AP3S1: variants seen among roughly 807,000 people sequenced by gnomAD.
AP3S1 encodes adaptor related protein complex 3 subunit sigma 1, also known as AP-3 complex subunit sigma-1.
In AP3S1, 12 loss-of-function variants were observed where a neutral mutation model predicts 21.3. That is an observed-to-expected ratio of 0.56 (90% CI 0.36 to 0.91). The LOEUF is 0.91. AP3S1 is among the 40% of genes least tolerant of loss of function. The probability of loss-of-function intolerance (pLI) is 0.01; values close to 1 mark genes in which losing one functional copy is unlikely to be tolerated. For synonymous variants in AP3S1, 48 were observed against 78.4 expected, an observed-to-expected ratio of 0.61 and a Z score of 2.05; for missense variants, 116 against 225.0, an observed-to-expected ratio of 0.52 and a Z score of 3.10.
At chr5:115,879,549 G>A (rs1398831015) in intron 3 of AP3S1, among the ~76,000 whole-genome samples, 1 of 152,072 alleles carries the variant, frequency 6.6e-6, no homozygotes, top group Non-Finnish European at 1.5e-5. Flanking sequence ...GGATGAAGCC[G>A]ACTTGATTGT....
chr5:115,885,326 G>A (rs556527541), intron 3 of AP3S1, among the ~76,000 whole-genome samples: 3 of 152,244 alleles, frequency 2.0e-5, no homozygotes, highest in East Asian at 1.9e-4. Context: ...GGCTCAGTCC[G>A]AGTCCAAAAG....
At chr5:115,866,819 C>G (rs1270584657) in intron 2 of AP3S1, 58 bp downstream of exon 2, 2 of 1,148,506 alleles carry the variant, frequency 1.7e-6, no homozygotes, top group Non-Finnish European at 2.4e-6. Context: ...AAAATATATA[C>G]TGTTTAATCA....
At chr5:115,911,437 A>G (rs997915382) in intron 5 of AP3S1, among the ~76,000 whole-genome samples, 11 of 152,076 alleles carry the variant, frequency 7.2e-5, no homozygotes, top group African/African-American at 2.6e-4. Context: ...ATACTTTTCT[A>G]TAGTCAGTTC....
At chr5:115,855,139 C>T (rs902560563) in intron 1 of AP3S1, among the ~76,000 whole-genome samples, 3 of 152,008 alleles carry the variant, frequency 2.0e-5, no homozygotes, top group East Asian at 1.9e-4. Flanking sequence ...TGGGTTCAAG[C>T]GATTCTCCTG....
intron 3 of AP3S1, among the ~76,000 whole-genome samples, chr5:115,884,051 A>G (rs1452725840): frequency 4.6e-5 from 7 of 152,178 alleles, no homozygotes; most frequent in Non-Finnish European, 1.0e-4. Flanking sequence ...GCAGATTACC[A>G]TGGTAATAAT....
At chr5:115,877,999 TTTTGAGAAGTTTCTGTTTATATCC>T (rs1295834209) in intron 3 of AP3S1, among the ~76,000 whole-genome samples, 1 of 152,220 alleles carries the variant, frequency 6.6e-6, no homozygotes, top group African/African-American at 2.4e-5. Context: ...AAATGTCTTC[TTTTGAGAAGTTTCTGTTTATATCC>T]TTTGCCCACT....
intron 2 of AP3S1, among the ~76,000 whole-genome samples, chr5:115,867,420 C>T (rs1324720133): frequency 6.6e-6 from 1 of 152,064 alleles, no homozygotes; most frequent in Non-Finnish European, 1.5e-5. Context: ...CCAAATATTA[C>T]AAACAAATAC....
At chr5:115,893,562 C>A (rs961978190) in intron 3 of AP3S1, among the ~76,000 whole-genome samples, 1 of 152,154 alleles carries the variant, frequency 6.6e-6, no homozygotes. Flanking sequence ...CCTAACCCTA[C>A]GTTGTTCAAG....
At chr5:115,890,998 G>C (rs1188580903) in intron 3 of AP3S1, among the ~76,000 whole-genome samples, 3 of 152,138 alleles carry the variant, frequency 2.0e-5, no homozygotes, top group Non-Finnish European at 4.4e-5. Flanking sequence ...TGTTCAAGCA[G>C]CATTACCCCA....
intron 3 of AP3S1, among the ~76,000 whole-genome samples, chr5:115,883,257 A>C (rs1193558543): frequency 6.6e-6 from 1 of 152,138 alleles, no homozygotes; most frequent in Admixed American, 6.5e-5. Context: ...GGTATGAGAA[A>C]AAACTCCTGC....
chr5:115,882,630 C>G (rs1345793689), intron 3 of AP3S1, among the ~76,000 whole-genome samples: 1 of 152,192 alleles, frequency 6.6e-6, no homozygotes, highest in African/African-American at 2.4e-5. Context: ...TATGAGATGT[C>G]TGTTGACCCG....
At chr5:115,903,646 T>G (rs560374174) in intron 5 of AP3S1, 51 of 152,410 alleles carry the variant, frequency 3.3e-4, no homozygotes, top group African/African-American at 1.2e-3. Context: ...TTTCTGCTGT[T>G]AGATTCAACC....
chr5:115,875,792 G>A (rs1748663340), intron 3 of AP3S1, among the ~76,000 whole-genome samples: 1 of 152,284 alleles, frequency 6.6e-6, no homozygotes, highest in Admixed American at 6.5e-5. Flanking sequence ...TGTTTCTCAT[G>A]TATTTTTGGG....
chr5:115,866,660 T>G lies in AP3S1; in HGVS notation c.70-10T>G. 1 of 1,561,176 alleles carries G rather than the reference T, an allele frequency of 6.4e-7. No individual in the cohort carries two copies. The highest frequency in any genetic ancestry group is 8.8e-7 in the Non-Finnish European group (1 of 1,141,466). On this transcript the variant is annotated splice_polypyrimidine_tract_variant and intron_variant, in intron 1 of 5. Coordinates refer to ENST00000316788, the MANE Select transcript of AP3S1 (RefSeq NM_001284.4). ...CTCCATCCTAATATATATGAATTAT[T>G]CTTCCTCAGAGTGAAGATACACAAC...
At chr5:115,883,844 T>C (rs1312869818) in intron 3 of AP3S1, among the ~76,000 whole-genome samples, 2 of 152,246 alleles carry the variant, frequency 1.3e-5, no homozygotes, top group Non-Finnish European at 2.9e-5. Flanking sequence ...TAAAAAATGT[T>C]CTCAGGAGTA....
At chr5:115,855,448 T>G (rs1435022232) in intron 1 of AP3S1, among the ~76,000 whole-genome samples, 1 of 152,090 alleles carries the variant, frequency 6.6e-6, no homozygotes, top group Non-Finnish European at 1.5e-5. Flanking sequence ...CAGGTGATCC[T>G]CTAACCTCAG....
intron 3 of AP3S1, among the ~76,000 whole-genome samples, chr5:115,890,533 A>G (rs538838972): frequency 6.6e-6 from 1 of 152,190 alleles, no homozygotes; most frequent in Non-Finnish European, 1.5e-5. Flanking sequence ...GAAGGCTTCT[A>G]TAATGCTGGT....
chr5:115,874,054 C>T (rs567927949), intron 3 of AP3S1, among the ~76,000 whole-genome samples: 11 of 152,082 alleles, frequency 7.2e-5, no homozygotes, highest in South Asian at 2.1e-4. Flanking sequence ...TTAATAAATT[C>T]GTTATGGAAT....
At chr5:115,878,734 A>G (rs1271522967) in intron 3 of AP3S1, among the ~76,000 whole-genome samples, 4 of 152,196 alleles carry the variant, frequency 2.6e-5, no homozygotes, top group South Asian at 4.1e-4. Context: ...TTCTGTGAAG[A>G]AAGTCAATGG....
Sources: allele counts gnomAD v4.1 joint callset (sites outside exome capture counted in the v4.1 genomes callset), GRCh38; gene constraint gnomAD v4.1.1; transcripts MANE v1.5; gene names NCBI Gene and HGNC (gene_info 2026-07-23, HGNC 2026-07-21).